Variants in RIMS2 observed in about 807,000 individuals in gnomAD.
RIMS2 encodes the protein regulating synaptic membrane exocytosis protein 2.
In RIMS2, 59 loss-of-function variants were observed where a neutral mutation model predicts 174.4. That is an observed-to-expected ratio of 0.34 (90% CI 0.27 to 0.42). The LOEUF (loss-of-function observed/expected upper bound fraction) is 0.42. RIMS2 is among the 10% of genes least tolerant of loss of function. The pLI is 1.00. For synonymous variants in RIMS2, 606 were observed against 572.5 expected (o/e 1.06, Z -0.84); for missense variants, 1,620 against 1,666.3 (o/e 0.97, Z 0.48).
chr8:103,943,688 C>T (rs1352447084), intron 14 of RIMS2, among the ~76,000 whole-genome samples: 1 of 152,014 alleles, frequency 6.6e-6, no homozygotes, highest in Non-Finnish European at 1.5e-5. Flanking sequence ...GGCTTTTCGC[C>T]CCTAAAACTC....
intron 15 of RIMS2, among the ~76,000 whole-genome samples, chr8:103,968,483 C>T (rs1332388626): frequency 6.7e-6 from 1 of 150,248 alleles, no homozygotes; most frequent in Non-Finnish European, 1.5e-5. Flanking sequence ...TCTTTCCTTC[C>T]TTGGCATATC....
At chr8:103,890,187 T>C (rs2099234961) in intron 4 of RIMS2, among the ~76,000 whole-genome samples, 1 of 151,996 alleles carries the variant, frequency 6.6e-6, no homozygotes, top group Non-Finnish European at 1.5e-5. Flanking sequence ...ATTGTGGTCA[T>C]ACGGATGTGG....
At chr8:103,796,604 T>C (rs1193714375) in intron 3 of RIMS2, among the ~76,000 whole-genome samples, 5 of 152,166 alleles carry the variant, frequency 3.3e-5, no homozygotes, top group Non-Finnish European at 7.3e-5. Flanking sequence ...TCTTTCCTTC[T>C]TAAAATTTTA....
intron 19 of RIMS2, among the ~76,000 whole-genome samples, chr8:104,167,646 T>C (rs1305870478): frequency 6.6e-6 from 1 of 152,198 alleles, no homozygotes; most frequent in Non-Finnish European, 1.5e-5. Context: ...CTGCTGATTA[T>C]TTCTTTTGCT....
chr8:103,607,548 G>T (rs2095169078), intron 1 of RIMS2, among the ~76,000 whole-genome samples: 1 of 148,858 alleles, frequency 6.7e-6, no homozygotes, highest in Non-Finnish European at 1.5e-5. Context: ...ACGTTGGCCT[G>T]CCTTGCTAGA....
chr8:104,203,607 G>A (rs1481027054), intron 19 of RIMS2, among the ~76,000 whole-genome samples: 1 of 147,654 alleles, frequency 6.8e-6, no homozygotes, highest in African/African-American at 2.5e-5. Flanking sequence ...GGGTTCAAGC[G>A]ATTCTCCTGC....
intron 2 of RIMS2, among the ~76,000 whole-genome samples, chr8:103,763,930 T>C (rs960884905): frequency 6.6e-6 from 1 of 152,174 alleles, no homozygotes; most frequent in Non-Finnish European, 1.5e-5. Context: ...CATATTGAAC[T>C]ACGAATCTCT....
At position 103,587,451 on chromosome 8, in the gene RIMS2, A is replaced by C. The variant is rs889586238; in HGVS notation, c.176+86389A>C. On this transcript the variant is annotated intron_variant, in intron 1 of 23. Coordinates refer to ENST00000504942, the Ensembl canonical transcript of RIMS2. ...AAGAAAGAAAGAAAGAAAGAAAGAAAGAAAGAAAGAAAGAAAGAAACTATG... is the reference window on the plus strand; with the variant it reads ...AAGAAAGAAAGAAAGAAAGAAAGAACGAAAGAAAGAAAGAAAGAAACTATG... 1.4e-3 allele frequency among the ~76,000 whole-genome samples: 171 copies of C among 124,896 alleles called. 1 individual carries two copies. In the Middle Eastern group the frequency reaches 0.02, roughly 15 times the overall value. The allele number at this position is 124,896 out of a possible 152,430, so 81.9% of individuals were successfully genotyped here.
chr8:103,726,813 A>T (rs113784233), intron 2 of RIMS2, among the ~76,000 whole-genome samples: 1 of 150,330 alleles, frequency 6.7e-6, no homozygotes, highest in South Asian at 2.1e-4. Flanking sequence ...GCTCACTGCA[A>T]CTTCTGTCTC....
intron 3 of RIMS2, among the ~76,000 whole-genome samples, chr8:103,778,453 T>C (rs1003966501): frequency 2.0e-5 from 3 of 152,132 alleles, no homozygotes; most frequent in African/African-American, 7.2e-5. Flanking sequence ...ATCTACTTTC[T>C]AGAGATCTTC....
chr8:104,031,510 G>C (rs573332974), intron 19 of RIMS2, among the ~76,000 whole-genome samples: 1 of 152,026 alleles, frequency 6.6e-6, no homozygotes, highest in Non-Finnish European at 1.5e-5. Flanking sequence ...AAATTTTAAT[G>C]TCACATTTCT....
At chr8:104,133,293 G>A (rs188940136) in intron 19 of RIMS2, among the ~76,000 whole-genome samples, 2 of 152,272 alleles carry the variant, frequency 1.3e-5, no homozygotes, top group East Asian at 3.9e-4. Flanking sequence ...TTGACATTTA[G>A]GTGAAAGAGA....
At chr8:103,859,386 C>T (rs1301519606) in intron 3 of RIMS2, among the ~76,000 whole-genome samples, 1 of 151,972 alleles carries the variant, frequency 6.6e-6, no homozygotes, top group Non-Finnish European at 1.5e-5. Flanking sequence ...TGTACTATTT[C>T]CTCCCACCCC....
chr8:104,030,621 A>G (rs1462003010), intron 19 of RIMS2, among the ~76,000 whole-genome samples: 9 of 152,112 alleles, frequency 5.9e-5, no homozygotes, highest in African/African-American at 2.2e-4. Flanking sequence ...TTTCTGGAAC[A>G]TATCAGACAT....
intron 1 of RIMS2, among the ~76,000 whole-genome samples, chr8:103,573,163 C>G (rs2092959853): frequency 6.6e-6 from 1 of 151,904 alleles, no homozygotes; most frequent in African/African-American, 2.4e-5. Context: ...TCAAGTGGTT[C>G]TCATGCCTCA....
intron 1 of RIMS2, among the ~76,000 whole-genome samples, chr8:103,610,045 A>T (rs896939568): frequency 7.2e-5 from 11 of 152,004 alleles, no homozygotes; most frequent in African/African-American, 2.7e-4. Context: ...GAGATCTTTC[A>T]CTTCCTTCAT....
chr8:103,849,765 G>T (rs557212983), intron 3 of RIMS2, among the ~76,000 whole-genome samples: 1 of 151,812 alleles, frequency 6.6e-6, no homozygotes, highest in African/African-American at 2.4e-5. Flanking sequence ...ACTGGTAAAG[G>T]GTATCTGTAA....
rs1312105702 is a variant in RIMS2 at position 103,805,128 on chromosome 8, T to G, written c.698+38591T>G. On this transcript the variant is annotated intron_variant, in intron 3 of 23. Transcript: ENST00000504942. ...AAAAGTGTGTGTATCTATTTTTATG[T>G]ATGTGTTTTTTTCTGTATGTGTAAT... Among the ~76,000 whole-genome samples, 3 of 152,164 alleles carry G rather than the reference T, an allele frequency of 2.0e-5. No individual in the cohort carries two copies. In the East Asian group the frequency reaches 5.8e-4, roughly 29 times the overall value.
chr8:104,252,540 AAG>A (rs1210726136), downstream of RIMS2: 23 of 152,240 alleles, frequency 1.5e-4, no homozygotes, highest in Admixed American at 4.6e-4. Context: ...AAAAAAAAAA[AAG>A]AATAAAAATC....
Sources: gnomAD v4.1 joint callset for allele counts (sites outside exome capture counted in the v4.1 genomes callset) on GRCh38, gnomAD v4.1.1 for gene constraint, MANE v1.5 for transcripts, NCBI Gene and HGNC (gene_info 2026-07-23, HGNC 2026-07-21) for gene names.